The following ZP4 variants were observed in gnomAD, a reference collection of about 807,000 sequenced individuals.
ZP4 encodes zona pellucida sperm-binding protein 4.
In ZP4, 62 loss-of-function variants were observed where a neutral mutation model predicts 62.3. The observed-to-expected ratio is 0.99, with a 90% confidence interval of 0.81 to 1.23. The LOEUF (loss-of-function observed/expected upper bound fraction) is 1.23, where lower values mean the gene tolerates loss of function less well. ZP4 is among the 50% of genes most tolerant of loss of function. The probability of loss-of-function intolerance (pLI) is 0.00; values close to 1 mark genes in which losing one functional copy is unlikely to be tolerated. For synonymous variants in ZP4, 289 were observed against 247.3 expected, an observed-to-expected ratio of 1.17 and a Z score of -1.58; for missense variants, 774 against 656.0, an observed-to-expected ratio of 1.18 and a Z score of -1.97.
In ZP4 at chr1:237,886,867, A is replaced by G. The variant is rs1292991382; in HGVS notation, c.743T>C (p.Ile248Thr). 7 of 1,612,738 alleles carry G rather than the reference A, an allele frequency of 4.3e-6. No individual in the cohort carries two copies. The African/African-American group carries it at 5.3e-5, about 12-fold the overall frequency. The change falls in exon 6 of 12, where the codon ATC (isoleucine) becomes ACC (threonine). Residue 248 changes from isoleucine to threonine, a missense_variant and splice_region_variant. Transcript: ENST00000366570. ...PFTSCGTTRQ[I>T]TGDRAVYENE... ...TTCATATACTGCTCGGTCTCCAGTG[A>G]TCTACAGGAATAGATGGAGAAGTCT...
chr1:237,884,457 G>A (rs1665046821), intron 10 of ZP4, among the ~76,000 whole-genome samples: 2 of 152,146 alleles, frequency 1.3e-5, no homozygotes, highest in Non-Finnish European at 2.9e-5. Flanking sequence ...GTACAGACAT[G>A]TTTCTCAACT....
At chr1:237,882,656 C>T in intron 11 of ZP4, 86 bp downstream of exon 11, 2 of 1,577,204 alleles carry the variant, frequency 1.3e-6, no homozygotes, top group South Asian at 1.1e-5. Context: ...TTTCTTTTGA[C>T]TAGAACAAGA....
intron 10 of ZP4, among the ~76,000 whole-genome samples, chr1:237,883,983 A>ACAAACACAC (rs1665013477): frequency 7.1e-5 from 3 of 42,400 alleles, no homozygotes; most frequent in African/African-American, 1.8e-4. Context: ...CACACACACA[A>ACAAACACAC]ACACACACAC....
chr1:237,887,317 G>T, intron 5 of ZP4, 57 bp downstream of exon 5: 1 of 1,579,864 alleles, frequency 6.3e-7, no homozygotes, highest in Non-Finnish European at 8.6e-7. Flanking sequence ...TCCCCCACTA[G>T]TCACTACAAC....
rs1665224335 is a variant in ZP4 at position 237,890,741 on chromosome 1, T to C, written c.-106A>G. On this transcript the variant is annotated 5_prime_UTR_variant, in exon 1 of 12. An upstream open reading frame in the 5' UTR loses its in-frame stop. Transcript: ENST00000366570. ...TTATATACAGAAGTCAGGCTTGTTT[T>C]CAGCTGCACATCTTTGTGACACTCA... The C allele has an allele frequency of 2.3e-6, 3 of 1,296,400 alleles. 1 individual carries two copies. Among genetic ancestry groups the C allele is most frequent in the Non-Finnish European group, 3.1e-6 (3 of 954,406 alleles). The allele number at this position is 1,296,400 out of a possible 1,614,324, so 80.3% of individuals were successfully genotyped here.
At position 237,889,760 on chromosome 1, in the gene ZP4, C is replaced by T. The variant is rs1665192862; in HGVS notation, c.400+107G>A. 3.1e-6 allele frequency: 3 copies of T among 959,420 alleles called. No homozygotes were observed. In the South Asian group the frequency reaches 4.2e-5, roughly 13 times the overall value. The allele number at this position is 959,420 out of a possible 1,614,324, so 59.4% of individuals were successfully genotyped here. Reference sequence around the variant, plus strand: ...GAGAGTTGGGACATGATCCTTCCTTCATTAGTGTCAGGTGTCACTGCACAG... The same window carrying T: ...GAGAGTTGGGACATGATCCTTCCTTTATTAGTGTCAGGTGTCACTGCACAG... On this transcript the variant is annotated intron_variant, in intron 3 of 11. Coordinates refer to ENST00000366570, the MANE Select transcript of ZP4 (RefSeq NM_021186.5).
chr1:237,888,558 T>A (rs747544457), intron 3 of ZP4, 48 bp from the exon 4 acceptor site: 9 of 1,535,252 alleles, frequency 5.9e-6, no homozygotes, highest in Non-Finnish European at 6.2e-6. Flanking sequence ...GAAAAGTTAG[T>A]CTTGAATACC....
In ZP4 at chr1:237,882,766, T is replaced by A; in HGVS notation, c.1471A>T (p.Thr491Ser). 1 of 1,614,188 alleles carries A rather than the reference T, an allele frequency of 6.2e-7. No individual in the cohort carries two copies. The highest frequency in any genetic ancestry group is 8.5e-7 in the Non-Finnish European group (1 of 1,180,018). Residue 491 changes from threonine to serine, a missense_variant, in exon 11 of 12, where the codon ACT becomes TCT. Thr to Ser is a moderately conservative substitution (Grantham distance 58). Transcript: ENST00000366570. ...CGGAGCTTTTCTGGAGGGTCCTTAG[T>A]GGCTTGGAGTAGAATCATGGGGCCT... ...SKGPMILLQA[T>S]KDPPEKLRVP...
At position 237,882,437 on chromosome 1, in the gene ZP4, G is replaced by A; in HGVS notation, c.1608C>T (p.Asp536=). 8 of 1,610,684 alleles carry A rather than the reference G, an allele frequency of 5.0e-6. No individual in the cohort carries two copies. In the South Asian group the frequency reaches 5.5e-5, roughly 11 times the overall value. Residue 536 remains aspartate, a synonymous_variant, in exon 12 of 12, where the codon GAC becomes GAT. Transcript: ENST00000366570. The stretch of plus-strand genomic sequence containing the variant: ...CACTCTGGTTTTATTGACACATTTG[G>A]TCTGGGCAACTCTTCTGTTTCTTGA... ...LAVKKQKSCP[D]QMCQ is the part of the protein sequence containing the mutation.
In ZP4 at chr1:237,884,676, T is replaced by C. The variant is rs1665051891; in HGVS notation, c.1390+93A>G. Reference sequence around the variant, plus strand: ...TAGAGAAGCCTTAGTAAGATGAATCTTCAGTTTGAGTTGTTTGGCCAGAGA... The same window carrying C: ...TAGAGAAGCCTTAGTAAGATGAATCCTCAGTTTGAGTTGTTTGGCCAGAGA... On this transcript the variant is annotated intron_variant, in intron 10 of 11. Coordinates refer to ENST00000366570, the MANE Select transcript of ZP4 (RefSeq NM_021186.5). 7 of 1,183,904 alleles carry C rather than the reference T, an allele frequency of 5.9e-6. No homozygotes were observed. The Admixed American group carries it at 1.5e-4, about 25-fold the overall frequency. 73.3% of individuals were successfully genotyped at this position (1,183,904 alleles called of 1,614,324 possible).
At chr1:237,883,967 AACACACACACACACAAACACAC>A (rs1349785072) in intron 10 of ZP4, among the ~76,000 whole-genome samples, 137 of 86,518 alleles carry the variant, frequency 1.6e-3, no homozygotes, top group Middle Eastern at 6.4e-3. Flanking sequence ...CACACACACA[AACACACACACACACAAACACAC>A]ACACACACAC....
chr1:237,884,001 C>CACACACAAACACACACACACACAA (rs1665020321), intron 10 of ZP4, among the ~76,000 whole-genome samples: 3 of 85,424 alleles, frequency 3.5e-5, no homozygotes, highest in Admixed American at 2.4e-4. Flanking sequence ...CACACACACA[C>CACACACAAACACACACACACACAA]ACACACACAC....
chr1:237,882,649 C>A (rs1664943456), intron 11 of ZP4, 93 bp downstream of exon 11: 1 of 1,573,240 alleles, frequency 6.4e-7, no homozygotes, highest in Admixed American at 1.9e-5. Flanking sequence ...AGGTCAATTT[C>A]TTTTGACTAG....
chr1:237,884,686 G>T, intron 10 of ZP4, 83 bp downstream of exon 10: 1 of 1,294,270 alleles, frequency 7.7e-7, no homozygotes, highest in Non-Finnish European at 1.1e-6. Context: ...TTCAGTTTGA[G>T]TTGTTTGGCC....
At chr1:237,884,410 T>C (rs1169794395) in intron 10 of ZP4, among the ~76,000 whole-genome samples, 1 of 152,208 alleles carries the variant, frequency 6.6e-6, no homozygotes, top group Non-Finnish European at 1.5e-5. Context: ...ATTCTACTTA[T>C]AGATCTTTAG....
chr1:237,886,064 C>A (rs1665094711), intron 6 of ZP4, among the ~76,000 whole-genome samples, 178 bp from the exon 7 acceptor site: 1 of 152,076 alleles, frequency 6.6e-6, no homozygotes, highest in Non-Finnish European at 1.5e-5. Flanking sequence ...ACAAGTAGGA[C>A]CAATGTTTGA....
intron 8 of ZP4, 22 bp from the exon 9 acceptor site, chr1:237,885,337 T>G (rs1456122843): frequency 6.2e-7 from 1 of 1,612,804 alleles, no homozygotes; most frequent in East Asian, 2.2e-5. Context: ...GACCCAGCAG[T>G]CAGGATGGGC....
At chr1:237,883,494 C>T (rs1664963230) in intron 10 of ZP4, among the ~76,000 whole-genome samples, 1 of 151,212 alleles carries the variant, frequency 6.6e-6, no homozygotes, top group African/African-American at 2.4e-5. Context: ...GCAGGTGGAT[C>T]ACCTAAGGTC....
chr1:237,882,862 G>GA lies in ZP4; in HGVS notation c.1391-17dup, dbSNP rs1664949546. The stretch of plus-strand genomic sequence containing the variant: ...TTTCTTCTTCCTGTTAGAGAAATGA[G>GA]ACCTAGTAATTCATTAGTTTTTGCA... On this transcript the variant is annotated splice_polypyrimidine_tract_variant and intron_variant, in intron 10 of 11. Coordinates refer to ENST00000366570, the MANE Select transcript of ZP4 (RefSeq NM_021186.5). The GA allele has an allele frequency of 1.9e-6, 3 of 1,605,928 alleles. No homozygotes were observed. The African/African-American group carries it at 4.0e-5, about 22-fold the overall frequency.
Sources: gnomAD v4.1 joint callset for allele counts (sites outside exome capture counted in the v4.1 genomes callset) on GRCh38, gnomAD v4.1.1 for gene constraint, MANE v1.5 for transcripts, NCBI Gene and HGNC (gene_info 2026-07-23, HGNC 2026-07-21) for gene names.